The following MTMR8 variants were observed in gnomAD, a reference collection of about 807,000 sequenced individuals.
MTMR8 encodes phosphatidylinositol-3,5-bisphosphate 3-phosphatase MTMR8.
A neutral mutation model predicts 39.3 loss-of-function variants in MTMR8; 65 were observed. That is an observed-to-expected ratio of 1.65 (90% CI 1.35 to 2.03). The LOEUF is 2.03. Ranked by LOEUF, MTMR8 falls within the 30% of genes most tolerant of loss-of-function variation. MTMR8 has a pLI of 0.00. For missense variants in MTMR8, 777 were observed against 538.9 expected (o/e 1.44, Z -4.37); for synonymous variants, 245 against 185.2 (o/e 1.32, Z -2.62).
At chrX:64,347,915 C>T (rs916214384) in intron 6 of MTMR8, among the ~76,000 whole-genome samples, 35 of 111,836 alleles carry the variant, frequency 3.1e-4, no homozygotes, top group African/African-American at 6.2e-4. Flanking sequence ...CAGCAATGTT[C>T]ATATTTGAAA....
In MTMR8 at chrX:64,268,816, A is replaced by G. The variant is rs1340337510; in HGVS notation, c.1836T>C (p.Cys612=). 1 of 1,211,510 alleles carries G rather than the reference A, an allele frequency of 8.3e-7. No homozygotes were observed. Among genetic ancestry groups the G allele is most frequent in the South Asian group, 1.8e-5 (1 of 56,956 alleles). ...CCCTAAGGCTGCCCACAATCTCACA[A>G]CAGTTATGGTGGAGGTCTGCACCCT... ...KSQGADLHHN[C]CEIVGSLRAI... is the part of the protein sequence containing the mutation. The change falls in exon 14 of 14, where the codon TGT becomes TGC. Residue 612 remains cysteine (C), a synonymous_variant. Transcript: ENST00000374852.
In MTMR8 at chrX:64,395,353, A is replaced by G. The variant is rs1356145799; in HGVS notation, c.11T>C (p.Ile4Thr). ...TCTTCTCCTTACCTTGGGTACCGTA[A>G]TATGATCCATGACTGCAGTTCCCGC... The part of the protein sequence containing the change: MDH[I>T]TVPKVENVKL... Residue 4 changes from isoleucine (I) to threonine (T), a missense_variant, in exon 1 of 14, where the codon ATT becomes ACT. Physicochemically the swap from Ile to Thr is moderately conservative, Grantham distance 89. Transcript: ENST00000374852. The G allele has an allele frequency of 9.1e-6, 11 of 1,208,478 alleles. No individual in the cohort carries two copies. In the African/African-American group the frequency reaches 1.2e-4, roughly 13 times the overall value.
intron 12 of MTMR8, among the ~76,000 whole-genome samples, chrX:64,314,970 G>A (rs920223349): frequency 1.8e-5 from 2 of 111,521 alleles, no homozygotes; most frequent in East Asian, 5.7e-4. Context: ...GATCAGACTG[G>A]CCTGAGTGAT....
Position 64,336,144 on chromosome X carries a change from A to G in MTMR8, c.1102-16T>C, listed in dbSNP as rs781587519. On this transcript the variant is annotated splice_polypyrimidine_tract_variant and intron_variant, in intron 9 of 13. Coordinates refer to ENST00000374852, the MANE Select transcript of MTMR8 (RefSeq NM_017677.4). ...CTATCAAGATCTTCATTTTATAGAA[A>G]AGAAAGTGTTTGCATTAGGAAAATC... The G allele has an allele frequency of 1.3e-5, 15 of 1,154,680 alleles. No individual in the cohort carries two copies. The highest frequency in any genetic ancestry group is 1.8e-5 in the Non-Finnish European group (15 of 855,683).
chrX:64,324,814 CAAAAA>C (rs758476355), intron 12 of MTMR8, among the ~76,000 whole-genome samples: 1 of 28,746 alleles, frequency 3.5e-5, no homozygotes, highest in Non-Finnish European at 5.1e-5. Flanking sequence ...TGTTGCTCAC[CAAAAA>C]AAAAAAAAAA....
At chrX:64,333,833 G>A (rs186065425) in intron 10 of MTMR8, among the ~76,000 whole-genome samples, 145 of 111,405 alleles carry the variant, frequency 1.3e-3, no homozygotes, top group African/African-American at 4.4e-3. Context: ...TCGATTCTTG[G>A]GTTATTCTGA....
intron 10 of MTMR8, among the ~76,000 whole-genome samples, chrX:64,335,225 G>A (rs1385255811): frequency 4.6e-5 from 5 of 109,848 alleles, no homozygotes; most frequent in African/African-American, 1.0e-4. Flanking sequence ...TCCGCCTCCC[G>A]GGTTCAAGTG....
At chrX:64,312,868 C>T (rs564560837) in intron 12 of MTMR8, among the ~76,000 whole-genome samples, 1 of 112,634 alleles carries the variant, frequency 8.9e-6, no homozygotes, top group South Asian at 3.7e-4. Context: ...AGCAGTAATA[C>T]TCTGAAAGAA....
intron 12 of MTMR8, among the ~76,000 whole-genome samples, chrX:64,297,565 T>C (rs1228489122): frequency 1.1e-5 from 1 of 89,599 alleles, no homozygotes; most frequent in East Asian, 3.7e-4. Context: ...TCTTTTGCTG[T>C]GCAGAAGCTC....
At chrX:64,362,933 G>T (rs1923833456) in intron 1 of MTMR8, among the ~76,000 whole-genome samples, 2 of 110,905 alleles carry the variant, frequency 1.8e-5, no homozygotes, top group Non-Finnish European at 3.8e-5. Context: ...CATAAGAACA[G>T]GCAAGTTGCA....
intron 2 of MTMR8, 54 bp from the exon 3 acceptor site, chrX:64,356,392 A>G: frequency 9.4e-7 from 1 of 1,068,658 alleles, no homozygotes; most frequent in Admixed American, 2.6e-5. Flanking sequence ...TATCTCTATC[A>G]CTATCAGTAT....
chrX:64,380,722 C>T (rs747807639), intron 1 of MTMR8, among the ~76,000 whole-genome samples: 1 of 111,558 alleles, frequency 9.0e-6, no homozygotes, highest in Non-Finnish European at 1.9e-5. Flanking sequence ...TTAGGTATAT[C>T]TCCTAATGCT....
chrX:64,351,764 C>G (rs1420366543), intron 4 of MTMR8, among the ~76,000 whole-genome samples: 1 of 111,338 alleles, frequency 9.0e-6, no homozygotes, highest in Non-Finnish European at 1.9e-5. Context: ...TGTTCGAGGG[C>G]AGGAAGCATT....
At chrX:64,374,881 C>G (rs1027029906) in intron 1 of MTMR8, among the ~76,000 whole-genome samples, 1 of 108,445 alleles carries the variant, frequency 9.2e-6, no homozygotes, top group African/African-American at 3.4e-5. Flanking sequence ...GAGATTGGAG[C>G]GATGGATATA....
At chrX:64,369,771 A>T (rs1183342469) in intron 1 of MTMR8, among the ~76,000 whole-genome samples, 1 of 111,642 alleles carries the variant, frequency 9.0e-6, no homozygotes, top group East Asian at 2.8e-4. Flanking sequence ...AATTTTAAAA[A>T]AAAATTATCC....
chrX:64,356,755 TA>T (rs1022796215), intron 2 of MTMR8, among the ~76,000 whole-genome samples: 6 of 110,943 alleles, frequency 5.4e-5, no homozygotes, highest in African/African-American at 2.0e-4. Flanking sequence ...TGCCTTATCA[TA>T]AACAAAGTAG....
intron 1 of MTMR8, among the ~76,000 whole-genome samples, chrX:64,385,033 G>A (rs1012937699): frequency 1.6e-4 from 18 of 111,944 alleles, no homozygotes; most frequent in Admixed American, 7.6e-4. Context: ...TTCATTGCTC[G>A]TGCATCTGAG....
intron 1 of MTMR8, among the ~76,000 whole-genome samples, chrX:64,372,663 T>C (rs998812683): frequency 8.9e-6 from 1 of 111,977 alleles, no homozygotes. Flanking sequence ...ATAGTTTACC[T>C]CTTTTCATTG....
intron 12 of MTMR8, among the ~76,000 whole-genome samples, chrX:64,319,890 C>CT (rs1922585489): frequency 9.0e-6 from 1 of 111,051 alleles, no homozygotes; most frequent in Admixed American, 9.6e-5. Flanking sequence ...GATGCGGGCT[C>CT]TTTTTTGGTT....
Sources: allele counts gnomAD v4.1 joint callset (sites outside exome capture counted in the v4.1 genomes callset), GRCh38; gene constraint gnomAD v4.1.1; transcripts MANE v1.5; gene names NCBI Gene and HGNC (gene_info 2026-07-23, HGNC 2026-07-21).